The following SNX29 variants were observed in gnomAD, a reference collection of about 807,000 sequenced individuals.
SNX29 encodes sorting nexin 29, also known as sorting nexin-29.
In SNX29, 78 loss-of-function variants were observed where a neutral mutation model predicts 102.1. The observed-to-expected ratio is 0.76, with a 90% CI of 0.64 to 0.92. The LOEUF (loss-of-function observed/expected upper bound fraction) is 0.92, where lower values mean the gene tolerates loss of function less well. Among genes scored for constraint, SNX29 ranks in the 40% least tolerant of loss-of-function variants. The pLI, the probability that SNX29 is intolerant of heterozygous loss-of-function variation, is 0.00. For missense variants in SNX29, 1,280 were observed against 1,061.7 expected, an observed-to-expected ratio of 1.21 and a Z score of -2.86; for synonymous variants, 580 against 414.5, an observed-to-expected ratio of 1.40 and a Z score of -4.85.
At chr16:12,276,686 G>A (rs1034306958) in intron 14 of SNX29, among the ~76,000 whole-genome samples, 2 of 152,160 alleles carry the variant, frequency 1.3e-5, no homozygotes, top group Non-Finnish European at 2.9e-5. Flanking sequence ...ACATGCTGTG[G>A]ATGTTTTTCT....
At chr16:12,124,127 G>T (rs200039812) in intron 11 of SNX29, among the ~76,000 whole-genome samples, 1 of 152,194 alleles carries the variant, frequency 6.6e-6, no homozygotes, top group South Asian at 2.1e-4. Flanking sequence ...GGAGGCCGAG[G>T]CATGTGGATC....
intron 14 of SNX29, among the ~76,000 whole-genome samples, chr16:12,260,159 A>G (rs1244108692): frequency 6.6e-6 from 1 of 152,052 alleles, no homozygotes; most frequent in African/African-American, 2.4e-5. Context: ...TTTCTTTTTT[A>G]AACCTATCTT....
At chr16:12,207,982 T>C (rs372669196) in intron 14 of SNX29, among the ~76,000 whole-genome samples, 35 of 152,314 alleles carry the variant, frequency 2.3e-4, no homozygotes, top group African/African-American at 7.9e-4. Context: ...TAAAAATTTG[T>C]TACTGGGGTC....
intron 20 of SNX29, among the ~76,000 whole-genome samples, chr16:12,540,662 A>T (rs1220485151): frequency 6.6e-6 from 1 of 152,204 alleles, no homozygotes; most frequent in Non-Finnish European, 1.5e-5. Context: ...GCCTGAATGT[A>T]ACCACAGCTG....
chr16:12,362,072 AAC>A (rs1309332846), intron 16 of SNX29, among the ~76,000 whole-genome samples: 1 of 152,210 alleles, frequency 6.6e-6, no homozygotes, highest in African/African-American at 2.4e-5. Context: ...TTCCTCATTT[AAC>A]AGTGTGCTTT....
At chr16:12,274,296 T>G (rs1363668761) in intron 14 of SNX29, among the ~76,000 whole-genome samples, 1 of 152,094 alleles carries the variant, frequency 6.6e-6, no homozygotes, top group Admixed American at 6.6e-5. Context: ...TTTTTATCCT[T>G]TGTAAAAATT....
chr16:12,415,832 A>G (rs1178378357), intron 18 of SNX29, among the ~76,000 whole-genome samples: 3 of 152,190 alleles, frequency 2.0e-5, no homozygotes, highest in Admixed American at 6.5e-5. Flanking sequence ...ACTCTCTCCT[A>G]TATCCAAAAT....
At chr16:12,059,794 A>G (rs990617097) in intron 8 of SNX29, among the ~76,000 whole-genome samples, 2 of 152,196 alleles carry the variant, frequency 1.3e-5, no homozygotes, top group African/African-American at 4.8e-5. Context: ...GAGTAGCTCT[A>G]ACATAAAGAC....
chr16:12,389,249 C>T (rs2083440881), intron 16 of SNX29, among the ~76,000 whole-genome samples: 2 of 152,146 alleles, frequency 1.3e-5, no homozygotes, highest in Admixed American at 1.3e-4. Flanking sequence ...TGAAATAGTG[C>T]ATGAGAACTG....
chr16:12,390,880 TA>T (rs113993775), intron 16 of SNX29, among the ~76,000 whole-genome samples: 4,394 of 135,236 alleles, frequency 0.032, 137 homozygotes, highest in African/African-American at 0.089. Flanking sequence ...GTTCAGTCTT[TA>T]AAAAAAAAAA....
At chr16:12,307,892 C>T (rs1292410131) in intron 15 of SNX29, among the ~76,000 whole-genome samples, 1 of 152,244 alleles carries the variant, frequency 6.6e-6, no homozygotes, top group African/African-American at 2.4e-5. Context: ...ACTCCTGGCC[C>T]ACCAAGAGAT....
chr16:12,547,080 C>T (rs946672900), intron 20 of SNX29, among the ~76,000 whole-genome samples: 3 of 152,178 alleles, frequency 2.0e-5, no homozygotes, highest in Non-Finnish European at 1.5e-5. Context: ...GCAGACATGC[C>T]TATGTGAGGT....
intron 18 of SNX29, among the ~76,000 whole-genome samples, chr16:12,444,789 T>G (rs1485815878): frequency 6.6e-6 from 1 of 151,734 alleles, no homozygotes; most frequent in East Asian, 1.9e-4. Context: ...AGATCAGGGG[T>G]GAGCAAACTG....
chr16:12,385,583 G>T (rs2083312750), intron 16 of SNX29, among the ~76,000 whole-genome samples: 1 of 152,168 alleles, frequency 6.6e-6, no homozygotes, highest in Non-Finnish European at 1.5e-5. Flanking sequence ...ACATTTGCAG[G>T]AGCTAATGAG....
chr16:12,451,944 G>A (rs555289316), intron 18 of SNX29, among the ~76,000 whole-genome samples: 1 of 152,312 alleles, frequency 6.6e-6, no homozygotes, highest in African/African-American at 2.4e-5. Flanking sequence ...TAAAATAAGG[G>A]AGTGATGTCT....
chr16:12,567,877 G>A (rs529409398), intron 20 of SNX29, among the ~76,000 whole-genome samples: 37 of 152,196 alleles, frequency 2.4e-4, no homozygotes, highest in African/African-American at 8.7e-4. Flanking sequence ...ATGTGCCGAG[G>A]GCCTCCCACA....
At chr16:12,292,918 C>T (rs2079848467) in intron 15 of SNX29, among the ~76,000 whole-genome samples, 1 of 152,154 alleles carries the variant, frequency 6.6e-6, no homozygotes, top group Non-Finnish European at 1.5e-5. Flanking sequence ...AGAATTTTTG[C>T]TAACGTCCAG....
intron 20 of SNX29, among the ~76,000 whole-genome samples, chr16:12,562,080 A>C (rs1233980888): frequency 6.6e-6 from 1 of 152,166 alleles, no homozygotes; most frequent in African/African-American, 2.4e-5. Context: ...TTTTCTGCCC[A>C]GTAGTTTGAA....
intron 18 of SNX29, among the ~76,000 whole-genome samples, chr16:12,437,051 T>C (rs1342971422): frequency 6.6e-6 from 1 of 152,190 alleles, no homozygotes; most frequent in Non-Finnish European, 1.5e-5. Context: ...GTAGCAAACC[T>C]GAGATTCTGA....
Sources: allele counts gnomAD v4.1 joint callset (sites outside exome capture counted in the v4.1 genomes callset), GRCh38; gene constraint gnomAD v4.1.1; transcripts MANE v1.5; gene names NCBI Gene and HGNC (gene_info 2026-07-23, HGNC 2026-07-21).